RIC1: variants seen among roughly 807,000 people sequenced by gnomAD.
RIC1 encodes the protein RIC1 partner of RAB6A GEF complex.
RIC1 carries 88 observed loss-of-function variants against 169.0 expected under a neutral mutation model. The observed-to-expected ratio is 0.52, with a 90% CI of 0.44 to 0.62. The LOEUF (loss-of-function observed/expected upper bound fraction) is 0.62. Ranked by LOEUF, RIC1 falls within the 20% of genes least tolerant of loss-of-function variation. RIC1 has a pLI of 0.00. For missense variants in RIC1, 1,877 were observed against 1,725.5 expected, an observed-to-expected ratio of 1.09 and a Z score of -1.56; for synonymous variants, 790 against 601.5, an observed-to-expected ratio of 1.31 and a Z score of -4.59.
At chr9:5,647,953 G>GTGGTGGTGGTGGTGGTGGTGGTGA (rs1818604736) in intron 1 of RIC1, among the ~76,000 whole-genome samples, 1 of 128,696 alleles carries the variant, frequency 7.8e-6, no homozygotes, top group African/African-American at 3.4e-5. Flanking sequence ...GGTGGTGGTG[G>GTGGTGGTGGTGGTGGTGGTGGTGA]TGGTGGTGGT....
At chr9:5,664,002 G>T (rs1055360095) in intron 2 of RIC1, among the ~76,000 whole-genome samples, 1 of 152,112 alleles carries the variant, frequency 6.6e-6, no homozygotes, top group Non-Finnish European at 1.5e-5. Flanking sequence ...AGGTCTGATG[G>T]TTACGAATTC....
chr9:5,723,963 C>T (rs1038815107), intron 6 of RIC1, among the ~76,000 whole-genome samples: 1 of 152,052 alleles, frequency 6.6e-6, no homozygotes, highest in Admixed American at 6.6e-5. Context: ...TTACTGTAGC[C>T]TTGTAGTATA....
In RIC1 at chr9:5,756,276, C is replaced by T; in HGVS notation, c.1757C>T (p.Ala586Val). 6.2e-7 allele frequency: 1 copy of T among 1,605,400 alleles called. No individual in the cohort carries two copies. The highest frequency in any genetic ancestry group is 8.5e-7 in the Non-Finnish European group (1 of 1,174,602). Residue 586 changes from alanine (A) to valine (V), a missense_variant, in exon 16 of 26, where the codon GCA (alanine) becomes GTA (valine). This residue lies in a region of RIC1 where 1,104 missense variants were observed against 992.0 expected (regional missense o/e 1.11). Transcript: ENST00000414202. ...TTTGCTCATGTCACCAAAGCACAAG[C>T]AGAAACATTACTGCTTAGTGTCTTC... The part of the protein sequence containing the change: ...NAFAHVTKAQ[A>V]ETLLLSVFQD...
At chr9:5,646,597 A>G (rs549570357) in intron 1 of RIC1, among the ~76,000 whole-genome samples, 18 of 152,222 alleles carry the variant, frequency 1.2e-4, no homozygotes, top group Non-Finnish European at 2.2e-4. Flanking sequence ...GCAATAGGGT[A>G]TACCTTATAG....
intron 2 of RIC1, among the ~76,000 whole-genome samples, chr9:5,659,094 T>C (rs1399514958): frequency 6.6e-6 from 1 of 152,130 alleles, no homozygotes; most frequent in Non-Finnish European, 1.5e-5. Context: ...TTAGTGGATG[T>C]ATATTACCAA....
At chr9:5,650,915 G>A (rs1414357053) in intron 1 of RIC1, among the ~76,000 whole-genome samples, 1 of 152,160 alleles carries the variant, frequency 6.6e-6, no homozygotes, top group African/African-American at 2.4e-5. Flanking sequence ...TGCAGGGAAT[G>A]TTAGTAGGGC....
intron 1 of RIC1, among the ~76,000 whole-genome samples, chr9:5,633,490 T>C (rs1021358676): frequency 6.6e-6 from 1 of 152,230 alleles, no homozygotes; most frequent in African/African-American, 2.4e-5. Flanking sequence ...TTAACTGCTG[T>C]TGAAATCCTT....
Position 5,738,543 on chromosome 9 carries a change from G to GTAT in RIC1, c.901+6_901+7insATT. On this transcript the variant is annotated splice_donor_region_variant and intron_variant, in intron 8 of 25. Coordinates refer to ENST00000414202, the MANE Select transcript of RIC1 (RefSeq NM_020829.4). ...TAACAGCAAAACAGTATCCTGGTGA[G>GTAT]TCTTTTTTTTTTTTTTTTTTTTTAA... is the stretch of plus-strand genomic sequence containing the variant. 1 of 893,618 alleles carries GTAT rather than the reference G, an allele frequency of 1.1e-6. No homozygotes were observed. Among genetic ancestry groups the GTAT allele is most frequent in the Non-Finnish European group, 1.6e-6 (1 of 616,416 alleles). The allele number at this position is 893,618 out of a possible 1,614,324, so 55.4% of individuals were successfully genotyped here. A position where few individuals can be genotyped will look rare whatever the true frequency, so the allele number is the denominator to read the frequency against.
intron 3 of RIC1, among the ~76,000 whole-genome samples, chr9:5,710,579 C>G (rs1233982643): frequency 6.6e-6 from 1 of 152,170 alleles, no homozygotes; most frequent in African/African-American, 2.4e-5. Flanking sequence ...TATTGTTAAC[C>G]TCTAAAATAA....
chr9:5,698,803 C>T (rs1292936865), intron 3 of RIC1, among the ~76,000 whole-genome samples: 2 of 152,082 alleles, frequency 1.3e-5, no homozygotes, highest in African/African-American at 2.4e-5. Context: ...GTCTAGGTTG[C>T]CTTCTGAATT....
rs751680283 is a variant in RIC1 at position 5,725,304 on chromosome 9, G to C, written c.720+4554G>C. On this transcript the variant is annotated intron_variant, in intron 6 of 25. Coordinates refer to ENST00000414202, the MANE Select transcript of RIC1 (RefSeq NM_020829.4). ...GTCTTGGGAGGGTGTATTTGTCCAG[G>C]AATTTATCCATTTCTTCTAGAGTTT... Among the ~76,000 whole-genome samples the C allele has an allele frequency of 4.6e-5, 7 of 152,248 alleles. No individual in the cohort carries two copies. The South Asian group carries it at 1.2e-3, about 27-fold the overall frequency.
chr9:5,746,129 A>G, intron 11 of RIC1, 46 bp downstream of exon 11: 1 of 1,507,472 alleles, frequency 6.6e-7, no homozygotes, highest in Admixed American at 1.7e-5. Flanking sequence ...TTTGTGTTAG[A>G]AGCTCAGACC....
intron 3 of RIC1, among the ~76,000 whole-genome samples, chr9:5,705,575 A>G (rs1217573442): frequency 1.3e-5 from 2 of 152,098 alleles, no homozygotes; most frequent in African/African-American, 4.8e-5. Context: ...CTATTATGAC[A>G]TCTTTGAATA....
rs754202869 is a variant in RIC1, at chr9:5,763,229, G to A, written c.2202G>A (p.Leu734=). The part of the protein sequence containing the change: ...CRANKQKRHL[L]EALWLSCGGA... ...CAAATAAACAGAAACGTCACCTTCTGGAGGCCCTCTGGCTGAGCTGTGGTG... is the reference window on the plus strand; with the variant it reads ...CAAATAAACAGAAACGTCACCTTCTAGAGGCCCTCTGGCTGAGCTGTGGTG... The change falls in exon 19 of 26, where the codon CTG becomes CTA. Residue 734 remains leucine (L), a synonymous_variant. Transcript: ENST00000414202. The surrounding 1 kb of genome is among the most constrained non-coding windows in gnomAD (Gnocchi z 5.2). 19 of 1,614,124 alleles carry A rather than the reference G, an allele frequency of 1.2e-5. No individual in the cohort carries two copies. Among genetic ancestry groups the A allele is most frequent in the Middle Eastern group, 1.6e-4 (1 of 6,062 alleles).
intron 3 of RIC1, 62 bp downstream of exon 3, chr9:5,690,100 A>T (rs1055178571): frequency 6.8e-6 from 8 of 1,184,110 alleles, no homozygotes; most frequent in Admixed American, 4.9e-5. Context: ...TCAGAAAAAC[A>T]TTACAGTTTT....
rs532786938 is a variant in RIC1, at chr9:5,686,707, G to C, written c.253-3252G>C. ...ACGAGTTAGTGGGTGCAGCGCACCA[G>C]TATGGCACATGTATACATATGTAAC... On this transcript the variant is annotated intron_variant, in intron 2 of 25. Coordinates refer to ENST00000414202, the MANE Select transcript of RIC1 (RefSeq NM_020829.4). 2.0e-5 allele frequency among the ~76,000 whole-genome samples: 3 copies of C among 152,102 alleles called. No individual in the cohort carries two copies. The East Asian group carries it at 5.8e-4, about 29-fold the overall frequency.
At chr9:5,697,034 C>A (rs907929190) in intron 3 of RIC1, among the ~76,000 whole-genome samples, 1 of 152,172 alleles carries the variant, frequency 6.6e-6, no homozygotes, top group Non-Finnish European at 1.5e-5. Context: ...CCTATATGAA[C>A]TGGGTAGCCA....
At position 5,772,967 on chromosome 9, in the gene RIC1, C is replaced by T. The variant is rs1412230570; in HGVS notation, c.3870C>T (p.Ser1290=). 1 of 1,613,262 alleles carries T rather than the reference C, an allele frequency of 6.2e-7. No homozygotes were observed. The highest frequency in any genetic ancestry group is 8.5e-7 in the Non-Finnish European group (1 of 1,179,394). The part of the protein sequence containing the change: ...CIVIGLILRE[S]SIINQILVIT... ...TTATAGGCCTGATTCTTAGAGAATC[C>T]TCAATAATCAATCAGATTTTGGTTA... The change falls in exon 25 of 26, where the codon TCC becomes TCT. Residue 1290 remains serine, a synonymous_variant. Coordinates refer to ENST00000414202, the MANE Select transcript of RIC1 (RefSeq NM_020829.4).
chr9:5,640,617 T>G (rs74364314), intron 1 of RIC1, among the ~76,000 whole-genome samples: 2,822 of 152,326 alleles, frequency 0.019, 73 homozygotes, highest in Admixed American at 0.052. Flanking sequence ...AGTGTAATTG[T>G]GCTGTGTAAA....
Sources: allele counts gnomAD v4.1 joint callset (sites outside exome capture counted in the v4.1 genomes callset), GRCh38; gene constraint gnomAD v4.1.1; regional missense constraint gnomAD v4.1.1; non-coding constraint Gnocchi (gnomAD v3.1); transcripts MANE v1.5; gene names NCBI Gene and HGNC (gene_info 2026-07-23, HGNC 2026-07-21).